Variants in PCSK5 observed in about 807,000 individuals in gnomAD.
PCSK5 encodes proprotein convertase subtilisin/kexin type 5.
Under a neutral mutation model 233.2 loss-of-function variants are expected in PCSK5, and 129 were observed. The observed-to-expected ratio is 0.55, with a 90% CI of 0.48 to 0.64. The LOEUF is 0.64. PCSK5 is among the 30% of genes least tolerant of loss of function. PCSK5 has a pLI of 0.00. For missense variants in PCSK5, 2,076 were observed against 2,430.1 expected, an observed-to-expected ratio of 0.85 and a Z score of 3.06; for synonymous variants, 825 against 879.2, an observed-to-expected ratio of 0.94 and a Z score of 1.09.
intron 24 of PCSK5, among the ~76,000 whole-genome samples, chr9:76,272,928 A>AC (rs1827569766): frequency 6.6e-6 from 1 of 151,450 alleles, no homozygotes; most frequent in Non-Finnish European, 1.5e-5. Flanking sequence ...TACTCTAGCT[A>AC]CCCCAAACTC....
intron 24 of PCSK5, among the ~76,000 whole-genome samples, chr9:76,244,482 G>A (rs549655411): frequency 6.6e-6 from 1 of 151,830 alleles, no homozygotes; most frequent in South Asian, 2.1e-4. Context: ...CGATCTCTAG[G>A]GGAGTCAGAG....
Position 76,096,026 on chromosome 9 carries a change from A to C in PCSK5, c.1031A>C (p.Lys344Thr). Residue 344 changes from lysine (K) to threonine (T), a missense_variant, in exon 8 of 38, where the codon AAA (lysine) becomes ACA (threonine). Lys to Thr is a moderately conservative substitution (Grantham distance 78, BLOSUM62 -1). Transcript: ENST00000674117. ...AGCAGCACTGCAGAAAGCGGAAAGA[A>C]ACCTTGGTACCTGGAAGAGTGTTCA... ...SISSTAESGK[K>T]PWYLEECSST... is the part of the protein sequence containing the mutation. 1 of 1,614,188 alleles carries C rather than the reference A, an allele frequency of 6.2e-7. No homozygotes were observed. Among genetic ancestry groups the C allele is most frequent in the Non-Finnish European group, 8.5e-7 (1 of 1,180,026 alleles).
intron 14 of PCSK5, among the ~76,000 whole-genome samples, chr9:76,179,392 A>G (rs1823749322): frequency 6.6e-6 from 1 of 152,172 alleles, no homozygotes; most frequent in Non-Finnish European, 1.5e-5. Context: ...ATACCTAGGT[A>G]ATTGAGGTTG....
chr9:75,919,634 A>T (rs1005548826), intron 1 of PCSK5, among the ~76,000 whole-genome samples: 2 of 152,158 alleles, frequency 1.3e-5, no homozygotes, highest in African/African-American at 4.8e-5. Context: ...CTGATTTGAT[A>T]GGTGTTTTTC....
chr9:76,196,866 C>CATA (rs1210555459), intron 20 of PCSK5, among the ~76,000 whole-genome samples: 3 of 152,144 alleles, frequency 2.0e-5, no homozygotes, highest in Non-Finnish European at 4.4e-5. Context: ...TATCCAGATT[C>CATA]ATAATAATAA....
At chr9:76,187,833 A>AAAT (rs34938291) in intron 17 of PCSK5, among the ~76,000 whole-genome samples, 17,069 of 152,194 alleles carry the variant, frequency 0.11, 1,157 homozygotes, top group East Asian at 0.22. Context: ...ATAGAAATTT[A>AAAT]AATAGGTTAT....
chr9:76,335,033 G>A (rs1192992214), intron 34 of PCSK5, among the ~76,000 whole-genome samples: 5 of 151,740 alleles, frequency 3.3e-5, no homozygotes, highest in African/African-American at 9.7e-5. Flanking sequence ...AGCCAAGATC[G>A]CACCACTGCA....
intron 10 of PCSK5, among the ~76,000 whole-genome samples, chr9:76,140,781 A>G (rs1587678240): frequency 6.6e-6 from 1 of 152,136 alleles, no homozygotes; most frequent in Non-Finnish European, 1.5e-5. Context: ...AATTGCTTCA[A>G]CTTAGGAACT....
chr9:76,170,911 G>A (rs1362218137), intron 13 of PCSK5, among the ~76,000 whole-genome samples: 1 of 152,148 alleles, frequency 6.6e-6, no homozygotes, highest in Non-Finnish European at 1.5e-5. Flanking sequence ...GTACATTTTG[G>A]TTATCCCTTC....
chr9:76,013,679 G>A (rs1218607658), intron 3 of PCSK5, among the ~76,000 whole-genome samples: 1 of 152,170 alleles, frequency 6.6e-6, no homozygotes, highest in Non-Finnish European at 1.5e-5. Flanking sequence ...ATTGCAGAAT[G>A]AATGAAGGTT....
intron 10 of PCSK5, among the ~76,000 whole-genome samples, chr9:76,139,643 A>AT (rs1234363942): frequency 9.2e-5 from 14 of 151,978 alleles, no homozygotes; most frequent in African/African-American, 1.4e-4. Context: ...CGCCTAACAT[A>AT]TTTTTTTAAG....
At chr9:75,931,889 CG>C (rs1442167670) in intron 1 of PCSK5, among the ~76,000 whole-genome samples, 1 of 151,886 alleles carries the variant, frequency 6.6e-6, no homozygotes, top group Non-Finnish European at 1.5e-5. Context: ...CACAAACAAA[CG>C]AAGTCATGTT....
At chr9:76,081,991 G>A (rs1830857936) in intron 7 of PCSK5, among the ~76,000 whole-genome samples, 1 of 151,974 alleles carries the variant, frequency 6.6e-6, no homozygotes, top group African/African-American at 2.4e-5. Flanking sequence ...CCTGAATACT[G>A]CAGTCAATGA....
intron 5 of PCSK5, among the ~76,000 whole-genome samples, chr9:76,065,123 T>C (rs909339518): frequency 2.0e-5 from 3 of 152,266 alleles, no homozygotes; most frequent in Admixed American, 6.5e-5. Flanking sequence ...CAGATATCTT[T>C]TCAATAGGCT....
At position 76,348,131 on chromosome 9, in the gene PCSK5, G is replaced by A. The variant is rs937512160; in HGVS notation, c.4967-2697G>A. 2.0e-5 allele frequency among the ~76,000 whole-genome samples: 3 copies of A among 151,130 alleles called. 1 individual carries two copies. The highest frequency in any genetic ancestry group is 4.4e-5 in the Non-Finnish European group (3 of 67,702). On this transcript the variant is annotated intron_variant, in intron 35 of 37. Coordinates refer to ENST00000674117, the MANE Select transcript of PCSK5 (RefSeq NM_001372043.1). ...ACAAAAAAATAAACAAAATTTGGTCGGGTGCAGTGGCTCATGCCTGTAATC... is the reference window on the plus strand; with the variant it reads ...ACAAAAAAATAAACAAAATTTGGTCAGGTGCAGTGGCTCATGCCTGTAATC...
chr9:76,114,970 G>A (rs572601505), intron 9 of PCSK5, among the ~76,000 whole-genome samples: 1 of 152,072 alleles, frequency 6.6e-6, no homozygotes, highest in East Asian at 1.9e-4. Flanking sequence ...ATGGGAATGG[G>A]GACAGAGAGA....
At chr9:76,177,571 C>T (rs1823670563) in intron 14 of PCSK5, among the ~76,000 whole-genome samples, 1 of 152,106 alleles carries the variant, frequency 6.6e-6, no homozygotes, top group Non-Finnish European at 1.5e-5. Flanking sequence ...TGCTTTGAGC[C>T]TATAGCATTG....
rs1830366319 is a variant in PCSK5, at chr9:76,358,727, TAG to T, written c.5476_5477del (p.Ser1826HisfsTer4). On this transcript the variant is annotated frameshift_variant, in exon 38 of 38. Transcript: ENST00000674117. LOFTEE classifies it high-confidence loss of function. ...CTTACTCCTCCTATAAGAGCAGCTA[TAG>T]AGAGAGCACCAGCTTTGAAGAGGAT... ...KSYSSYKSSYRESTSFEEDQV... is the reference protein window; with the variant it reads ...KSYSSYKSSYXESTSFEEDQV... 1 of 1,612,776 alleles carries T rather than the reference TAG, an allele frequency of 6.2e-7. No homozygotes were observed. Among genetic ancestry groups the T allele is most frequent in the Admixed American group, 1.7e-5 (1 of 60,020 alleles).
chr9:75,896,722 A>G (rs538459738), intron 1 of PCSK5, among the ~76,000 whole-genome samples: 1 of 145,060 alleles, frequency 6.9e-6, no homozygotes, highest in African/African-American at 2.4e-5. Context: ...ACACATATAT[A>G]CACATATACT....
Sources: gnomAD v4.1 joint callset for allele counts (sites outside exome capture counted in the v4.1 genomes callset) on GRCh38, gnomAD v4.1.1 for gene constraint, MANE v1.5 for transcripts, NCBI Gene and HGNC (gene_info 2026-07-23, HGNC 2026-07-21) for gene names.